The following MAP4K5 variants were observed in gnomAD, a reference collection of about 807,000 sequenced individuals.
MAP4K5 encodes mitogen-activated protein kinase kinase kinase kinase 5.
MAP4K5 carries 82 observed loss-of-function variants against 135.6 expected under a neutral mutation model. The ratio of observed to expected loss-of-function variants is 0.60; its 90% CI spans 0.51 to 0.73. The LOEUF (loss-of-function observed/expected upper bound fraction) is 0.73. Ranked by LOEUF, MAP4K5 falls within the 30% of genes least tolerant of loss-of-function variation. MAP4K5 has a pLI of 0.00. For missense variants in MAP4K5, 907 were observed against 1,010.9 expected (o/e 0.90, Z 1.39); for synonymous variants, 347 against 335.0 (o/e 1.04, Z -0.39).
chr14:50,503,106 G>A (rs2140010708), intron 3 of MAP4K5, among the ~76,000 whole-genome samples: 1 of 151,996 alleles, frequency 6.6e-6, no homozygotes, highest in South Asian at 2.1e-4. Flanking sequence ...AAAAGTATAA[G>A]CAGAGTGCAA....
intron 2 of MAP4K5, among the ~76,000 whole-genome samples, chr14:50,520,018 C>A (rs566405770): frequency 4.6e-5 from 7 of 152,124 alleles, no homozygotes; most frequent in East Asian, 3.9e-4. Flanking sequence ...CAAGAAGGCA[C>A]GGGGCACCAA....
chr14:50,428,579 T>C, intron 30 of MAP4K5, 83 bp downstream of exon 30: 1 of 746,024 alleles, frequency 1.3e-6, no homozygotes, highest in South Asian at 2.0e-5. Context: ...GAGACAGTGC[T>C]GGTCTAGACA....
At position 50,437,983 on chromosome 14, in the gene MAP4K5, G is replaced by A; in HGVS notation, c.1734C>T (p.His578=). ...SEGKTFQLYS[H]NLIALFEHAK... ...CATGTTCAAACAAAGCTATAAGATT[G>A]TGAGAGTAGAGCTGAAAGGTTTTTC... Residue 578 remains histidine (H), a synonymous_variant, in exon 25 of 33, where the codon CAC becomes CAT. Transcript: ENST00000682126. 1 of 1,608,776 alleles carries A rather than the reference G, an allele frequency of 6.2e-7. No homozygotes were observed. The highest frequency in any genetic ancestry group is 1.3e-5 in the African/African-American group (1 of 74,872).
rs185854262 is a variant in MAP4K5 at position 50,491,702 on chromosome 14, T to C, written c.167-5508A>G. On this transcript the variant is annotated intron_variant, in intron 3 of 32. Transcript: ENST00000682126. The stretch of plus-strand genomic sequence containing the variant: ...ACTGAACTTTCTTTTTTTTTTTTTT[T>C]CGAGACAGGGTTTCACTGTATTGCC... 8.6e-5 allele frequency among the ~76,000 whole-genome samples: 13 copies of C among 151,134 alleles called. 1 individual carries two copies. The East Asian group carries it at 1.5e-3, about 18-fold the overall frequency.
intron 1 of MAP4K5, among the ~76,000 whole-genome samples, chr14:50,555,567 A>G (rs1341695500): frequency 3.3e-5 from 5 of 152,230 alleles, no homozygotes; most frequent in Non-Finnish European, 7.3e-5. Context: ...TACAGGCATG[A>G]GCCACCGTGG....
chr14:50,444,162 C>T, intron 18 of MAP4K5, 126 bp from the exon 19 acceptor site: 1 of 680,914 alleles, frequency 1.5e-6, no homozygotes, highest in Non-Finnish European at 2.6e-6. Context: ...ATATTCTCTA[C>T]TCTCAGGTAA....
intron 2 of MAP4K5, among the ~76,000 whole-genome samples, chr14:50,513,699 G>A (rs1318461556): frequency 1.3e-5 from 2 of 151,992 alleles, no homozygotes; most frequent in Admixed American, 6.6e-5. Flanking sequence ...CTTCACATTG[G>A]GTCTCTCATC....
At chr14:50,488,268 G>A (rs1595503468) in intron 3 of MAP4K5, among the ~76,000 whole-genome samples, 1 of 152,070 alleles carries the variant, frequency 6.6e-6, no homozygotes, top group Non-Finnish European at 1.5e-5. Flanking sequence ...TCACTATCAT[G>A]AGAACAGCAT....
intron 2 of MAP4K5, among the ~76,000 whole-genome samples, chr14:50,526,219 A>G (rs1193377693): frequency 6.6e-6 from 1 of 152,146 alleles, no homozygotes; most frequent in Non-Finnish European, 1.5e-5. Context: ...CATCCCCAAT[A>G]AAGGCAGAGT....
In MAP4K5 at chr14:50,466,569, AT is replaced by A; in HGVS notation, c.737+13del. 7.7e-7 allele frequency: 1 copy of A among 1,290,690 alleles called. No individual in the cohort carries two copies. Among genetic ancestry groups the A allele is most frequent in the Non-Finnish European group, 1.1e-6 (1 of 911,668 alleles). The allele number at this position is 1,290,690 out of a possible 1,614,324, so 80.0% of individuals were successfully genotyped here. On this transcript the variant is annotated intron_variant, in intron 11 of 32. Coordinates refer to ENST00000682126, the MANE Select transcript of MAP4K5 (RefSeq NM_006575.6). ...ATTGTAAAATTCTATAAAACTATAT[AT>A]TCTTTAACTCACCATTTTGTTTTGT...
At chr14:50,550,701 T>G (rs997089450) in intron 1 of MAP4K5, among the ~76,000 whole-genome samples, 1 of 152,222 alleles carries the variant, frequency 6.6e-6, no homozygotes, top group Non-Finnish European at 1.5e-5. Flanking sequence ...TCAAGTATCT[T>G]CTCAGACCAC....
At chr14:50,441,743 TACACACACACACACACACACACACAC>T (rs57651486) in intron 21 of MAP4K5, among the ~76,000 whole-genome samples, 94 of 141,634 alleles carry the variant, frequency 6.6e-4, no homozygotes, top group African/African-American at 1.3e-3. Context: ...AATTATTTTA[TACACACACACACACACACACACACAC>T]ACACACACAC....
intron 2 of MAP4K5, among the ~76,000 whole-genome samples, chr14:50,505,308 T>C (rs2037787878): frequency 6.6e-6 from 1 of 152,110 alleles, no homozygotes; most frequent in African/African-American, 2.4e-5. Context: ...TGCATGTGCA[T>C]TATGGAAGAA....
intron 2 of MAP4K5, among the ~76,000 whole-genome samples, chr14:50,525,084 G>A (rs1384856608): frequency 6.6e-6 from 1 of 152,074 alleles, no homozygotes; most frequent in African/African-American, 2.4e-5. Flanking sequence ...TCTCCTGGGT[G>A]ACCTCACCTA....
At chr14:50,517,864 T>A (rs1247097446) in intron 2 of MAP4K5, among the ~76,000 whole-genome samples, 1 of 152,210 alleles carries the variant, frequency 6.6e-6, no homozygotes, top group East Asian at 1.9e-4. Context: ...AAGAAAGTGC[T>A]TCATTTTACT....
At chr14:50,451,322 A>G (rs1396139737) in intron 14 of MAP4K5, among the ~76,000 whole-genome samples, 2 of 152,192 alleles carry the variant, frequency 1.3e-5, no homozygotes, top group Admixed American at 1.3e-4. Context: ...AGCCTCCACG[A>G]CCTGTAGACA....
intron 2 of MAP4K5, among the ~76,000 whole-genome samples, chr14:50,510,393 G>C (rs2037906317): frequency 6.6e-6 from 1 of 152,122 alleles, no homozygotes; most frequent in Non-Finnish European, 1.5e-5. Context: ...ATTCAGTTTA[G>C]TTATCACCTC....
intron 9 of MAP4K5, among the ~76,000 whole-genome samples, chr14:50,469,033 T>C (rs2036896991): frequency 6.6e-6 from 1 of 152,198 alleles, no homozygotes; most frequent in Non-Finnish European, 1.5e-5. Context: ...TTTAGTTTGG[T>C]TTCTATTTTT....
At chr14:50,543,757 G>A (rs949541373) in intron 1 of MAP4K5, among the ~76,000 whole-genome samples, 11 of 152,204 alleles carry the variant, frequency 7.2e-5, no homozygotes, top group Non-Finnish European at 1.5e-4. Flanking sequence ...AGAGGCAGAG[G>A]TAGGAGTGGC....
Sources: gnomAD v4.1 joint callset for allele counts (sites outside exome capture counted in the v4.1 genomes callset) on GRCh38, gnomAD v4.1.1 for gene constraint, MANE v1.5 for transcripts, NCBI Gene and HGNC (gene_info 2026-07-23, HGNC 2026-07-21) for gene names.